CADM1: variants seen among roughly 807,000 people sequenced by gnomAD.
CADM1 encodes TSLC-1.
CADM1 carries 15 observed loss-of-function variants against 53.1 expected under a neutral mutation model. That is an observed-to-expected ratio of 0.28 (90% CI 0.19 to 0.44). The LOEUF (loss-of-function observed/expected upper bound fraction) is 0.44, where lower values mean the gene tolerates loss of function less well. Ranked by LOEUF, CADM1 falls within the 20% of genes least tolerant of loss-of-function variation. CADM1 has a pLI of 1.00. For synonymous variants in CADM1, 281 were observed against 243.0 expected (o/e 1.16, Z -1.45); for missense variants, 434 against 611.3 (o/e 0.71, Z 3.06).
At chr11:115,427,013 T>C (rs1270812450) in intron 1 of CADM1, among the ~76,000 whole-genome samples, 1 of 152,120 alleles carries the variant, frequency 6.6e-6, no homozygotes, top group East Asian at 1.9e-4. Flanking sequence ...TTTTGTTCCA[T>C]AGGAGAACAT....
At position 115,277,820 on chromosome 11, in the gene CADM1, G is replaced by C. The variant is rs919389730; in HGVS notation, c.125-37400C>G. ...ACCTTAGGATCTAGCTGTACAGACA[G>C]AATAGACAAAAAGAAGAATATGAAG... On this transcript the variant is annotated intron_variant, in intron 1 of 11. Coordinates refer to ENST00000331581, the MANE Select transcript of CADM1 (RefSeq NM_001301043.2). Among the ~76,000 whole-genome samples the C allele has an allele frequency of 2.0e-5, 3 of 152,260 alleles. No homozygotes were observed. In the East Asian group the frequency reaches 5.8e-4, roughly 29 times the overall value.
At position 115,178,696 on chromosome 11, in the gene CADM1, G is replaced by A. The variant is rs763032683; in HGVS notation, c.1245C>T (p.Phe415=). ...GAATGATGAGCAAGCACAGCATGGC[G>A]AACACCACCACCGCCACGACGCCAC... ...VIGGVVAVVV[F]AMLCLLIILG... Residue 415 remains phenylalanine (F), a synonymous_variant, in exon 11 of 12, where the codon TTC becomes TTT. Transcript: ENST00000331581. 13 of 1,613,504 alleles carry A rather than the reference G, an allele frequency of 8.1e-6. No individual in the cohort carries two copies. In the Admixed American group the frequency reaches 8.3e-5, roughly 10 times the overall value.
intron 1 of CADM1, among the ~76,000 whole-genome samples, chr11:115,290,683 A>T (rs1025909267): frequency 1.3e-5 from 2 of 152,172 alleles, no homozygotes; most frequent in Admixed American, 6.5e-5. Context: ...CTGGGGAGAT[A>T]AGGAAAATAA....
At chr11:115,254,390 T>G (rs1942706073) in intron 1 of CADM1, among the ~76,000 whole-genome samples, 1 of 152,150 alleles carries the variant, frequency 6.6e-6, no homozygotes, top group African/African-American at 2.4e-5. Context: ...GCTTTCAAAA[T>G]TATTTCCAAT....
intron 1 of CADM1, among the ~76,000 whole-genome samples, chr11:115,368,503 G>T (rs1362549949): frequency 2.0e-5 from 3 of 152,122 alleles, no homozygotes; most frequent in African/African-American, 7.2e-5. Context: ...GTAATTGAAA[G>T]ATTAGTCAGT....
At chr11:115,361,081 T>G (rs1946016888) in intron 1 of CADM1, among the ~76,000 whole-genome samples, 1 of 152,120 alleles carries the variant, frequency 6.6e-6, no homozygotes, top group South Asian at 2.1e-4. Context: ...TACTTCTTGA[T>G]CTCAAATTCT....
Position 115,266,012 on chromosome 11 carries a change from G to A in CADM1, c.125-25592C>T, listed in dbSNP as rs1943123829. On this transcript the variant is annotated intron_variant, in intron 1 of 11. Coordinates refer to ENST00000331581, the MANE Select transcript of CADM1 (RefSeq NM_001301043.2). ...CGGGTTGAATGCGTCAGAAACCGTAGAAGTGGGGCCCAACAATGTCTTAAT... is the reference window on the plus strand; with the variant it reads ...CGGGTTGAATGCGTCAGAAACCGTAAAAGTGGGGCCCAACAATGTCTTAAT... 2.0e-5 allele frequency among the ~76,000 whole-genome samples: 3 copies of A among 152,180 alleles called. No individual in the cohort carries two copies. The South Asian group carries it at 6.2e-4, about 32-fold the overall frequency.
intron 1 of CADM1, among the ~76,000 whole-genome samples, chr11:115,355,172 C>T (rs1322358669): frequency 6.6e-6 from 1 of 152,098 alleles, no homozygotes; most frequent in African/African-American, 2.4e-5. Context: ...TTCACTGCAG[C>T]GTTATTCACA....
intron 1 of CADM1, among the ~76,000 whole-genome samples, chr11:115,315,250 C>T (rs760982304): frequency 6.6e-6 from 1 of 152,078 alleles, no homozygotes; most frequent in Non-Finnish European, 1.5e-5. Flanking sequence ...TAAACCCAAA[C>T]CTATTAAACA....
At chr11:115,315,466 T>C (rs1467104401) in intron 1 of CADM1, among the ~76,000 whole-genome samples, 1 of 152,134 alleles carries the variant, frequency 6.6e-6, no homozygotes, top group African/African-American at 2.4e-5. Context: ...GAAAACTGCA[T>C]GAGAACAGAT....
intron 10 of CADM1, among the ~76,000 whole-genome samples, chr11:115,180,082 A>G (rs1268532597): frequency 6.6e-6 from 1 of 152,182 alleles, no homozygotes; most frequent in East Asian, 1.9e-4. Flanking sequence ...TCAAGTGTAC[A>G]GATCCGTGAC....
Position 115,240,380 on chromosome 11 carries a change from G to A in CADM1, c.165C>T (p.Ile55=), listed in dbSNP as rs150455891. ...AACTGATGGTCGCAACCTCTCCCTC[G>A]ATCACTGTCACGTCTTTCGTAAACA... is the stretch of plus-strand genomic sequence containing the variant. ...QNLFTKDVTV[I]EGEVATISCQ... The change falls in exon 2 of 12, where the codon ATC becomes ATT. Residue 55 remains isoleucine (I), a synonymous_variant. Transcript: ENST00000331581. 85 of 1,613,544 alleles carry A rather than the reference G, an allele frequency of 5.3e-5. No homozygotes were observed. The highest frequency in any genetic ancestry group is 5.0e-4 in the Middle Eastern group (3 of 6,060).
intron 1 of CADM1, among the ~76,000 whole-genome samples, chr11:115,254,977 G>T (rs895156267): frequency 3.9e-5 from 6 of 152,090 alleles, no homozygotes; most frequent in Non-Finnish European, 7.4e-5. Flanking sequence ...GAGGAAAAGG[G>T]CTGGAGTCAG....
intron 9 of CADM1, among the ~76,000 whole-genome samples, chr11:115,194,383 G>C (rs1294942281): frequency 6.6e-6 from 1 of 152,236 alleles, no homozygotes; most frequent in African/African-American, 2.4e-5. Context: ...GTCAGGAAAA[G>C]GAAGAGCTAC....
intron 1 of CADM1, among the ~76,000 whole-genome samples, chr11:115,271,848 A>G (rs1290286633): frequency 6.6e-6 from 1 of 152,214 alleles, no homozygotes; most frequent in Non-Finnish European, 1.5e-5. Context: ...CCAAAGATCC[A>G]CTGAGATGTG....
intron 1 of CADM1, among the ~76,000 whole-genome samples, chr11:115,270,956 C>T (rs1943280215): frequency 6.7e-6 from 1 of 149,868 alleles, no homozygotes; most frequent in Non-Finnish European, 1.5e-5. Context: ...GTATGAAAAA[C>T]ATCTCAACAC....
intron 1 of CADM1, among the ~76,000 whole-genome samples, chr11:115,475,599 A>G (rs1949114003): frequency 6.6e-6 from 1 of 152,236 alleles, no homozygotes; most frequent in Admixed American, 6.5e-5. Flanking sequence ...AAAAGAAATG[A>G]ACAACTGATA....
At chr11:115,365,725 G>C (rs1232049917) in intron 1 of CADM1, among the ~76,000 whole-genome samples, 1 of 151,694 alleles carries the variant, frequency 6.6e-6, no homozygotes, top group Non-Finnish European at 1.5e-5. Flanking sequence ...AAGATGTTCT[G>C]AGCGCGGCAA....
intron 10 of CADM1, among the ~76,000 whole-genome samples, chr11:115,188,673 T>C (rs1939693925): frequency 6.6e-6 from 1 of 152,206 alleles, no homozygotes; most frequent in African/African-American, 2.4e-5. Flanking sequence ...GCATTAAATG[T>C]GCAACACCTA....
Sources: allele counts gnomAD v4.1 joint callset (sites outside exome capture counted in the v4.1 genomes callset), GRCh38; gene constraint gnomAD v4.1.1; transcripts MANE v1.5; gene names NCBI Gene and HGNC (gene_info 2026-07-23, HGNC 2026-07-21).